The following OGDH variants were observed in gnomAD, a reference collection of about 807,000 sequenced individuals.
OGDH encodes the protein oxoglutarate dehydrogenase, also known as 2-oxoglutarate dehydrogenase complex component E1.
Under a neutral mutation model 116.6 loss-of-function variants are expected in OGDH, and 38 were observed. That is an observed-to-expected ratio of 0.33 (90% CI 0.25 to 0.43). OGDH has a LOEUF of 0.43. Ranked by LOEUF, OGDH falls within the 20% of genes least tolerant of loss-of-function variation. OGDH has a pLI of 1.00. For synonymous variants in OGDH, 488 were observed against 533.3 expected (o/e 0.92, Z 1.17); for missense variants, 825 against 1,357.2 (o/e 0.61, Z 6.16).
rs561129514 is a variant in OGDH at position 44,623,145 on chromosome 7, C to T, written c.-27-1172C>T. Among the ~76,000 whole-genome samples the T allele has an allele frequency of 2.6e-5, 4 of 152,324 alleles. No individual in the cohort carries two copies. In the South Asian group the frequency reaches 8.3e-4, roughly 32 times the overall value. ...GGCAGGCAGGACACTGGACAACCCT[C>T]TGTGGCTTTTCCTTACCCTTCGTAG... On this transcript the variant is annotated intron_variant, in intron 1 of 22. Coordinates refer to ENST00000222673, the MANE Select transcript of OGDH (RefSeq NM_002541.4).
intron 2 of OGDH, among the ~76,000 whole-genome samples, chr7:44,624,848 C>T (rs1785142223): frequency 6.8e-6 from 1 of 146,892 alleles, no homozygotes; most frequent in Non-Finnish European, 1.5e-5. Context: ...AGGATGAAGC[C>T]GCTGAAGAAA....
rs1788489788 is a variant in OGDH, at chr7:44,694,336, C to G, written c.1516-88C>G. 2 of 1,524,340 alleles carry G rather than the reference C, an allele frequency of 1.3e-6. No individual in the cohort carries two copies. Among genetic ancestry groups the G allele is most frequent in the Middle Eastern group, 2.2e-4 (1 of 4,600 alleles). The allele number at this position is 1,524,340 out of a possible 1,614,324, so 94.4% of individuals were successfully genotyped here. On this transcript the variant is annotated intron_variant, in intron 11 of 22. Transcript: ENST00000222673. This position sits in a 1 kb window ranked among gnomAD's most constrained non-coding sequence, Gnocchi z 4.2. ...TGAGGAATGAAGAACGTGGCCATCA[C>G]CTAGGAGAGATGGGGCAGGTGCCTG...
intron 2 of OGDH, among the ~76,000 whole-genome samples, chr7:44,625,826 A>C (rs1171871507): frequency 1.3e-5 from 2 of 151,730 alleles, no homozygotes; most frequent in Non-Finnish European, 2.9e-5. Context: ...TTTTTAATTT[A>C]GCTAGGTGTG....
Position 44,641,206 on chromosome 7 carries a change from CTTCTTTTTTTTTTTTT to C in OGDH, c.223-4102_223-4087del, listed in dbSNP as rs1186328747. ...ATGAGCCACCAAGCCCAGCCTTTTT[CTTCTTTTTTTTTTTTT>C]TTCTTTTTTTTTTTTTTTTTGGAAA... On this transcript the variant is annotated intron_variant, in intron 2 of 22. Transcript: ENST00000222673. Among the ~76,000 whole-genome samples the C allele has an allele frequency of 5.8e-4, 58 of 100,712 alleles. 1 individual carries two copies. The highest frequency in any genetic ancestry group is 3.3e-3 in the Admixed American group (34 of 10,254). The allele number at this position is 100,712 out of a possible 152,430, so 66.1% of individuals were successfully genotyped here. A position where few individuals can be genotyped will look rare whatever the true frequency, so the allele number is the denominator to read the frequency against.
chr7:44,686,728 G>A (rs1259261016), intron 10 of OGDH, among the ~76,000 whole-genome samples: 2 of 137,504 alleles, frequency 1.5e-5, no homozygotes, highest in African/African-American at 2.8e-5. Context: ...TTGCTCTGTC[G>A]CCCAGGCCGG....
In OGDH at chr7:44,708,972, G is replaced by A. The variant is rs1789207854; in HGVS notation, c.*973G>A. 2 of 150,706 alleles carry A rather than the reference G, an allele frequency of 1.3e-5. No homozygotes were observed. The highest frequency in any genetic ancestry group is 4.9e-5 in the African/African-American group (2 of 40,760). The allele number at this position is 150,706 out of a possible 1,614,324, so 9.3% of individuals were successfully genotyped here. A position where few individuals can be genotyped will look rare whatever the true frequency, so the allele number is the denominator to read the frequency against. On this transcript the variant is annotated 3_prime_UTR_variant, in exon 23 of 23. Transcript: ENST00000222673. ...TATCACTCTGACCTTCACAGGGACA[G>A]ATCTGATTTATTTATTTTGGTTAAA...
chr7:44,671,484 C>G (rs1356012604), intron 5 of OGDH, among the ~76,000 whole-genome samples: 1 of 152,194 alleles, frequency 6.6e-6, no homozygotes, highest in Non-Finnish European at 1.5e-5. Flanking sequence ...TCTTAAATAG[C>G]CGGGCGCGGT....
At position 44,694,348 on chromosome 7, in the gene OGDH, G is replaced by T; in HGVS notation, c.1516-76G>T. 6.4e-7 allele frequency: 1 copy of T among 1,560,372 alleles called. No homozygotes were observed. Among genetic ancestry groups the T allele is most frequent in the Non-Finnish European group, 8.7e-7 (1 of 1,149,606 alleles). ...AACGTGGCCATCACCTAGGAGAGAT[G>T]GGGCAGGTGCCTGAACAGCACTTCT... On this transcript the variant is annotated intron_variant, in intron 11 of 22. Coordinates refer to ENST00000222673, the MANE Select transcript of OGDH (RefSeq NM_002541.4). The surrounding 1 kb of genome is among the most constrained non-coding windows in gnomAD (Gnocchi z 4.2).
chr7:44,675,112 C>A, intron 7 of OGDH, 66 bp from the exon 8 acceptor site: 1 of 1,286,200 alleles, frequency 7.8e-7, no homozygotes, highest in Non-Finnish European at 1.1e-6. Flanking sequence ...GATTGTAACA[C>A]CCTCATCTGC....
chr7:44,645,462 G>C lies in OGDH; in HGVS notation c.358G>C (p.Val120Leu). The change falls in exon 3 of 23, where the codon GTG becomes CTG. Residue 120 changes from valine (V) to leucine (L), a missense_variant. This residue lies in a region of OGDH where 171 missense variants were observed against 276.8 expected (regional missense o/e 0.62). Coordinates refer to ENST00000222673, the MANE Select transcript of OGDH (RefSeq NM_002541.4). Reference protein sequence around the residue: ...AQSLVEAQPNVDKLVEDHLAV... With the variant: ...AQSLVEAQPNLDKLVEDHLAV... ...GTCCCTGGTAGAAGCACAGCCCAAC[G>C]TGGACAAGCTCGTGGAGGACCACCT... The C allele has an allele frequency of 6.2e-7, 1 of 1,614,190 alleles. No homozygotes were observed. Among genetic ancestry groups the C allele is most frequent in the Non-Finnish European group, 8.5e-7 (1 of 1,180,028 alleles).
intron 5 of OGDH, among the ~76,000 whole-genome samples, chr7:44,673,261 C>T (rs192468994): frequency 9.1e-4 from 139 of 152,242 alleles, no homozygotes; most frequent in East Asian, 7.7e-4. Flanking sequence ...GAGGCTGCAA[C>T]GGGCTCTGAT....
At chr7:44,618,483 G>A (rs1329156167) in intron 1 of OGDH, among the ~76,000 whole-genome samples, 1 of 152,170 alleles carries the variant, frequency 6.6e-6, no homozygotes, top group Non-Finnish European at 1.5e-5. Context: ...ATTCTGGAAT[G>A]TGATATTATT....
At chr7:44,656,338 C>T (rs566897495) in intron 4 of OGDH, 4 of 1,535,978 alleles carry the variant, frequency 2.6e-6, no homozygotes, top group East Asian at 2.4e-5. Context: ...TTTCAAGGAA[C>T]GACTTCGAAT....
intron 8 of OGDH, 71 bp downstream of exon 8, chr7:44,675,339 C>A: frequency 8.3e-7 from 1 of 1,208,338 alleles, no homozygotes; most frequent in Non-Finnish European, 1.2e-6. Context: ...CCACTTCTTT[C>A]TTAGAATGAC....
intron 4 of OGDH, among the ~76,000 whole-genome samples, chr7:44,664,284 C>CTGA (rs145384972): frequency 0.015 from 2,349 of 152,258 alleles, 62 homozygotes; most frequent in African/African-American, 0.053. Context: ...GGGGAAGGGG[C>CTGA]TGATGCATTA....
rs935853890 is a variant in OGDH, at chr7:44,677,803, G to A, written c.1206+1654G>A. On this transcript the variant is annotated intron_variant, in intron 9 of 22. Transcript: ENST00000222673. ...GCAGGAGAATTGCTTGAACCTGGGA[G>A]GCGGAGGTTGCAGTGAGCTGAGATC... Among the ~76,000 whole-genome samples the A allele has an allele frequency of 3.3e-5, 5 of 151,858 alleles. No homozygotes were observed. The South Asian group carries it at 1.0e-3, about 32-fold the overall frequency.
rs534967406 is a variant in OGDH, at chr7:44,682,853, GA to G, written c.1335+1012del. Among the ~76,000 whole-genome samples the G allele has an allele frequency of 1.4e-3, 213 of 150,700 alleles. 2 individuals are homozygous for G. The highest frequency in any genetic ancestry group is 1.1e-3 in the Non-Finnish European group (77 of 67,580). ...GGGCAACAGAGTGAGACCCTGTCTTGAAAAAAATAAATAGGCTGGGCGTGGT... is the reference window on the plus strand; with the variant it reads ...GGGCAACAGAGTGAGACCCTGTCTTGAAAAAATAAATAGGCTGGGCGTGGT... On this transcript the variant is annotated intron_variant, in intron 10 of 22. Coordinates refer to ENST00000222673, the MANE Select transcript of OGDH (RefSeq NM_002541.4).
At chr7:44,679,933 A>G (rs1005665757) in intron 9 of OGDH, among the ~76,000 whole-genome samples, 14 of 152,148 alleles carry the variant, frequency 9.2e-5, no homozygotes, top group African/African-American at 2.7e-4. Flanking sequence ...TTTCTCGGCC[A>G]GGCACGATGA....
At chr7:44,688,019 G>T (rs1179213034) in intron 10 of OGDH, among the ~76,000 whole-genome samples, 4 of 152,082 alleles carry the variant, frequency 2.6e-5, no homozygotes, top group Non-Finnish European at 5.9e-5. Context: ...CATACAATAT[G>T]TGCCCTATAT....
Sources: gnomAD v4.1 joint callset for allele counts (sites outside exome capture counted in the v4.1 genomes callset) on GRCh38, gnomAD v4.1.1 for gene constraint, gnomAD v4.1.1 regional missense constraint, Gnocchi (gnomAD v3.1) non-coding constraint, MANE v1.5 for transcripts, NCBI Gene and HGNC (gene_info 2026-07-23, HGNC 2026-07-21) for gene names.